Variants in BCAR3 observed in about 807,000 individuals in gnomAD.
The protein encoded by BCAR3 is breast cancer anti-estrogen resistance protein 3.
A neutral mutation model predicts 80.1 loss-of-function variants in BCAR3; 37 were observed. The ratio of observed to expected loss-of-function variants is 0.46; its 90% CI spans 0.36 to 0.61. The LOEUF is 0.61. BCAR3 is among the 20% of genes least tolerant of loss of function. The pLI, the probability that BCAR3 is intolerant of heterozygous loss-of-function variation, is 0.00. For missense variants in BCAR3, 978 were observed against 1,068.2 expected (o/e 0.92, Z 1.18); for synonymous variants, 389 against 418.9 (o/e 0.93, Z 0.87).
chr1:93,839,496 A>C (rs1342044277), intron 2 of BCAR3, among the ~76,000 whole-genome samples: 1 of 152,182 alleles, frequency 6.6e-6, no homozygotes, highest in African/African-American at 2.4e-5. Flanking sequence ...TTTCTTTATC[A>C]ATCAGCTTGG....
intron 2 of BCAR3, among the ~76,000 whole-genome samples, chr1:93,779,731 A>C (rs1359347789): frequency 2.0e-5 from 3 of 152,186 alleles, no homozygotes; most frequent in Non-Finnish European, 4.4e-5. Context: ...TTAACAATGC[A>C]CGTACTCCTG....
chr1:93,658,141 A>G (rs1216947655), intron 2 of BCAR3, among the ~76,000 whole-genome samples: 2 of 151,936 alleles, frequency 1.3e-5, no homozygotes, highest in Non-Finnish European at 2.9e-5. Context: ...GGGTTTCACC[A>G]TGTTGGCCAG....
At chr1:93,642,610 T>C (rs1177216536) in intron 2 of BCAR3, among the ~76,000 whole-genome samples, 3 of 152,174 alleles carry the variant, frequency 2.0e-5, no homozygotes, top group African/African-American at 7.2e-5. Flanking sequence ...TACTTGAGCA[T>C]AGAAAGTGAA....
intron 2 of BCAR3, among the ~76,000 whole-genome samples, chr1:93,659,747 T>C (rs995571655): frequency 2.0e-5 from 3 of 152,040 alleles, no homozygotes; most frequent in African/African-American, 7.2e-5. Context: ...TTTAACTACT[T>C]GGAATTACCT....
At chr1:93,600,230 G>A (rs1043595855) in intron 3 of BCAR3, among the ~76,000 whole-genome samples, 36 of 152,380 alleles carry the variant, frequency 2.4e-4, no homozygotes, top group African/African-American at 7.5e-4. Context: ...AGAATCCTGA[G>A]CTTTAAGCAC....
At chr1:93,609,603 G>A (rs369616399) in intron 3 of BCAR3, among the ~76,000 whole-genome samples, 48 of 152,316 alleles carry the variant, frequency 3.2e-4, no homozygotes, top group African/African-American at 8.7e-4. Flanking sequence ...GACACAAGGG[G>A]CCAGAAGAGG....
intron 2 of BCAR3, among the ~76,000 whole-genome samples, chr1:93,743,200 G>C (rs1651239635): frequency 1.7e-5 from 2 of 119,442 alleles, no homozygotes; most frequent in Admixed American, 1.8e-4. Flanking sequence ...TTTTAATACA[G>C]GTGCTAGGTG....
At chr1:93,762,385 C>T (rs1350955627) in intron 2 of BCAR3, among the ~76,000 whole-genome samples, 2 of 152,324 alleles carry the variant, frequency 1.3e-5, no homozygotes, top group East Asian at 3.9e-4. Flanking sequence ...AACTGTCAAG[C>T]AAGGCTCCCC....
chr1:93,841,978 T>C (rs996911813), intron 2 of BCAR3, among the ~76,000 whole-genome samples: 1 of 152,178 alleles, frequency 6.6e-6, no homozygotes, highest in Non-Finnish European at 1.5e-5. Flanking sequence ...ACAGCATTCC[T>C]TGTACGCAAG....
intron 7 of BCAR3, 119 bp downstream of exon 7, chr1:93,582,182 A>G (rs1244370290): frequency 2.3e-6 from 3 of 1,293,838 alleles, no homozygotes; most frequent in East Asian, 2.4e-5. Context: ...TGGGTGAGGC[A>G]GAGTGAGGCC....
intron 3 of BCAR3, among the ~76,000 whole-genome samples, chr1:93,612,567 T>C (rs1674985925): frequency 6.6e-6 from 1 of 152,220 alleles, no homozygotes; most frequent in Non-Finnish European, 1.5e-5. Flanking sequence ...GAAGTTGGCT[T>C]GTGGAAGGAC....
chr1:93,827,684 G>A (rs895282395), intron 2 of BCAR3, among the ~76,000 whole-genome samples: 14 of 151,938 alleles, frequency 9.2e-5, no homozygotes, highest in East Asian at 1.9e-4. Context: ...TCTTGTAAAC[G>A]CATCTAAAAG....
intron 11 of BCAR3, among the ~76,000 whole-genome samples, chr1:93,565,760 C>A (rs1283827688): frequency 6.6e-6 from 1 of 152,112 alleles, no homozygotes; most frequent in Non-Finnish European, 1.5e-5. Flanking sequence ...GTGCTTATAC[C>A]CACAGCAGAT....
At chr1:93,697,278 G>A (rs558670873) in intron 3 of BCAR3, among the ~76,000 whole-genome samples, 1 of 152,384 alleles carries the variant, frequency 6.6e-6, no homozygotes, top group Non-Finnish European at 1.5e-5. Context: ...TAAACCCTAA[G>A]GGCTTAGGCT....
intron 1 of BCAR3, among the ~76,000 whole-genome samples, chr1:93,678,151 A>G (rs903739136): frequency 5.9e-5 from 9 of 152,204 alleles, no homozygotes; most frequent in African/African-American, 2.2e-4. Flanking sequence ...ATAAAATGAG[A>G]ATCTCTGTGG....
At chr1:93,669,120 T>C (rs1171856100) in intron 2 of BCAR3, among the ~76,000 whole-genome samples, 1 of 152,194 alleles carries the variant, frequency 6.6e-6, no homozygotes, top group Non-Finnish European at 1.5e-5. Flanking sequence ...AAACTGCAGA[T>C]GTTTGCATGT....
chr1:93,608,018 G>A (rs966666617), intron 3 of BCAR3, among the ~76,000 whole-genome samples: 1 of 152,202 alleles, frequency 6.6e-6, no homozygotes, highest in African/African-American at 2.4e-5. Flanking sequence ...TGAGTCAGAG[G>A]CTGGATGGAT....
rs147424569 is a variant in BCAR3 at position 93,828,157 on chromosome 1, G to T, written c.-63+17410C>A. Reference sequence around the variant, plus strand: ...TACAAACAATAAAAAAAAATTAGCTGGGCATGACAGCATGTGCCTGTAGTA... The same window carrying T: ...TACAAACAATAAAAAAAAATTAGCTTGGCATGACAGCATGTGCCTGTAGTA... On this transcript the variant is annotated intron_variant, in intron 2 of 13. Transcript: ENST00000370244. Among the ~76,000 whole-genome samples, 317 of 152,134 alleles carry T rather than the reference G, an allele frequency of 2.1e-3. 1 individual carries two copies. The highest frequency in any genetic ancestry group is 7.3e-3 in the African/African-American group (301 of 41,498).
At chr1:93,718,597 T>A (rs529948170) in intron 2 of BCAR3, among the ~76,000 whole-genome samples, 1 of 152,198 alleles carries the variant, frequency 6.6e-6, no homozygotes, top group Admixed American at 6.5e-5. Context: ...GTCATGAAGA[T>A]TAAGTGAACT....
Sources: allele counts gnomAD v4.1 joint callset (sites outside exome capture counted in the v4.1 genomes callset), GRCh38; gene constraint gnomAD v4.1.1; transcripts MANE v1.5; gene names NCBI Gene and HGNC (gene_info 2026-07-23, HGNC 2026-07-21).